The following TENM3 variants were observed in gnomAD, a reference collection of about 807,000 sequenced individuals.
TENM3 encodes teneurin transmembrane protein 3.
In TENM3, 63 loss-of-function variants were observed where a neutral mutation model predicts 255.1. The ratio of observed to expected loss-of-function variants is 0.25; its 90% CI spans 0.20 to 0.30. TENM3 has a LOEUF of 0.30. Among genes scored for constraint, TENM3 ranks in the 10% least tolerant of loss-of-function variants. The pLI is 1.00. For missense variants in TENM3, 2,929 were observed against 3,461.1 expected (o/e 0.85, Z 3.86); for synonymous variants, 1,306 against 1,322.3 (o/e 0.99, Z 0.27).
At chr4:182,173,735 T>C (rs1481998174) in intron 1 of TENM3, among the ~76,000 whole-genome samples, 1 of 152,096 alleles carries the variant, frequency 6.6e-6, no homozygotes, top group Admixed American at 6.5e-5. Flanking sequence ...TCCTGAGATA[T>C]GGGAAATAGA....
At chr4:181,911,319 C>T in the TENM3 span, among the ~76,000 whole-genome samples, 2 of 152,240 alleles carry the variant, frequency 1.3e-5, no homozygotes, top group East Asian at 3.9e-4. Flanking sequence ...GGTTGACAAA[C>T]CTTTGAAGAA....
At chr4:182,488,050 A>G (rs1734927452) in intron 3 of TENM3, among the ~76,000 whole-genome samples, 1 of 152,214 alleles carries the variant, frequency 6.6e-6, no homozygotes, top group Non-Finnish European at 1.5e-5. Flanking sequence ...ATTTTGGATA[A>G]GATGGCAAAA....
intron 1 of TENM3, among the ~76,000 whole-genome samples, chr4:182,190,942 G>T (rs1753480564): frequency 6.6e-6 from 1 of 152,096 alleles, no homozygotes; most frequent in African/African-American, 2.4e-5. Flanking sequence ...AAAATTACTT[G>T]TCTATTTATT....
At chr4:181,488,956 ATCT>A in the TENM3 span, among the ~76,000 whole-genome samples, 1 of 152,316 alleles carries the variant, frequency 6.6e-6, no homozygotes, top group South Asian at 2.1e-4. Context: ...CAGCAGCAAA[ATCT>A]TCTTGCCATG....
At chr4:182,110,985 T>C in the TENM3 span, among the ~76,000 whole-genome samples, 2 of 152,162 alleles carry the variant, frequency 1.3e-5, no homozygotes, top group African/African-American at 2.4e-5. Flanking sequence ...AAGTGGAAAG[T>C]GCTGTTGTTA....
chr4:182,681,050 T>C (rs747313479), intron 10 of TENM3, among the ~76,000 whole-genome samples: 1 of 152,176 alleles, frequency 6.6e-6, no homozygotes, highest in African/African-American at 2.4e-5. Flanking sequence ...GTTTTTTACA[T>C]TGATGCCAGC....
At chr4:182,119,716 A>G in the TENM3 span, among the ~76,000 whole-genome samples, 2 of 151,874 alleles carry the variant, frequency 1.3e-5, no homozygotes, top group Non-Finnish European at 2.9e-5. Context: ...CACACAGTTT[A>G]TTTCATTTTA....
intron 1 of TENM3, among the ~76,000 whole-genome samples, chr4:182,323,637 A>C (rs898058433): frequency 6.6e-6 from 1 of 152,158 alleles, no homozygotes; most frequent in Non-Finnish European, 1.5e-5. Flanking sequence ...TATTGAAGCC[A>C]ATTTTTAGCT....
At chr4:182,187,745 A>G (rs764235353) in intron 1 of TENM3, among the ~76,000 whole-genome samples, 1 of 152,198 alleles carries the variant, frequency 6.6e-6, no homozygotes, top group Non-Finnish European at 1.5e-5. Flanking sequence ...GAGAGAACAT[A>G]CTAACACATT....
intron 3 of TENM3, among the ~76,000 whole-genome samples, chr4:182,389,896 A>C: frequency 6.6e-6 from 1 of 152,090 alleles, no homozygotes. Flanking sequence ...CATGTTGGCC[A>C]GGATGGTCTC....
chr4:181,868,962 G>C, the TENM3 span, among the ~76,000 whole-genome samples: 2 of 151,212 alleles, frequency 1.3e-5, no homozygotes, highest in Admixed American at 6.6e-5. Flanking sequence ...CACTTCGAAT[G>C]CTCCACTTAA....
chr4:182,682,913 T>C (rs1756285435), intron 11 of TENM3, among the ~76,000 whole-genome samples: 1 of 152,206 alleles, frequency 6.6e-6, no homozygotes, highest in Admixed American at 6.5e-5. Context: ...AGTTTAATAC[T>C]ATATTGAGTG....
chr4:181,487,136 G>A, the TENM3 span, among the ~76,000 whole-genome samples: 7 of 152,160 alleles, frequency 4.6e-5, no homozygotes, highest in African/African-American at 1.7e-4. Flanking sequence ...AAAACAATTT[G>A]TATAGTCAAT....
the TENM3 span, among the ~76,000 whole-genome samples, chr4:181,549,894 G>A: frequency 3.9e-5 from 6 of 151,948 alleles, no homozygotes; most frequent in Admixed American, 2.6e-4. Flanking sequence ...TCTGATTCTG[G>A]TACACCTAAT....
chr4:182,492,034 T>G (rs1735342960), intron 3 of TENM3, among the ~76,000 whole-genome samples: 1 of 152,126 alleles, frequency 6.6e-6, no homozygotes, highest in Admixed American at 6.5e-5. Flanking sequence ...TGTGCTGAGC[T>G]GAAGGAAGAA....
At chr4:181,751,505 C>G in the TENM3 span, among the ~76,000 whole-genome samples, 1 of 151,860 alleles carries the variant, frequency 6.6e-6, no homozygotes, top group Admixed American at 6.6e-5. Flanking sequence ...TCTAGGAACT[C>G]TCTCCTCACA....
the TENM3 span, among the ~76,000 whole-genome samples, chr4:181,767,057 T>G: frequency 1.1e-3 from 140 of 132,298 alleles, 9 homozygotes; most frequent in South Asian, 0.032. Context: ...TCAAGACCAT[T>G]CTGGCTAACA....
chr4:182,253,246 T>G (rs1758147389), intron 1 of TENM3, among the ~76,000 whole-genome samples: 1 of 152,028 alleles, frequency 6.6e-6, no homozygotes, highest in African/African-American at 2.4e-5. Flanking sequence ...CCGAGGTGGG[T>G]GGGTCACCTG....
At chr4:182,467,055 G>T (rs545302657) in intron 3 of TENM3, among the ~76,000 whole-genome samples, 12 of 152,016 alleles carry the variant, frequency 7.9e-5, no homozygotes, top group Admixed American at 7.9e-4. Context: ...CAATCATAGG[G>T]GAAATTAAAA....
Sources: allele counts gnomAD v4.1 joint callset (sites outside exome capture counted in the v4.1 genomes callset), GRCh38; gene constraint gnomAD v4.1.1; transcripts MANE v1.5; gene names NCBI Gene and HGNC (gene_info 2026-07-23, HGNC 2026-07-21).